Variants in CLDN10 observed in about 807,000 individuals in gnomAD.
CLDN10 encodes claudin 10, also known as claudin-10.
In CLDN10, 15 loss-of-function variants were observed where a neutral mutation model predicts 22.9. That is an observed-to-expected ratio of 0.65 (90% confidence interval 0.44 to 1.01). The LOEUF (loss-of-function observed/expected upper bound fraction) is 1.01, where lower values mean the gene tolerates loss of function less well. CLDN10 is among the 50% of genes least tolerant of loss of function. CLDN10 has a pLI of 0.00. For synonymous variants in CLDN10, 114 were observed against 111.4 expected (o/e 1.02, Z -0.15); for missense variants, 247 against 287.8 (o/e 0.86, Z 1.03).
At chr13:95,436,229 G>A (rs1468284318) in intron 1 of CLDN10, among the ~76,000 whole-genome samples, 1 of 152,026 alleles carries the variant, frequency 6.6e-6, no homozygotes, top group African/African-American at 2.4e-5. Context: ...TGTTGCCAAG[G>A]TTGGAGTGCA....
chr13:95,567,419 G>A (rs963458720), intron 3 of CLDN10, among the ~76,000 whole-genome samples: 2 of 152,124 alleles, frequency 1.3e-5, no homozygotes, highest in Non-Finnish European at 2.9e-5. Flanking sequence ...TTGGCTCTCT[G>A]TTTGTCTGTT....
At chr13:95,556,329 A>T (rs544355901) in intron 1 of CLDN10, among the ~76,000 whole-genome samples, 1 of 152,210 alleles carries the variant, frequency 6.6e-6, no homozygotes, top group African/African-American at 2.4e-5. Context: ...TACAGGCATG[A>T]GCCATGCGCC....
intron 1 of CLDN10, among the ~76,000 whole-genome samples, chr13:95,442,928 T>C (rs142954476): frequency 0.013 from 1,981 of 152,338 alleles, 50 homozygotes; most frequent in African/African-American, 0.046. Flanking sequence ...GTCACAATCA[T>C]AAGTTAGCCG....
At chr13:95,531,844 A>G (rs1202027790) in intron 1 of CLDN10, among the ~76,000 whole-genome samples, 1 of 151,904 alleles carries the variant, frequency 6.6e-6, no homozygotes, top group Non-Finnish European at 1.5e-5. Context: ...TAGTATTTAC[A>G]TTTTTAAAAA....
intron 1 of CLDN10, among the ~76,000 whole-genome samples, chr13:95,530,765 C>T (rs953776225): frequency 6.6e-6 from 1 of 152,006 alleles, no homozygotes; most frequent in Non-Finnish European, 1.5e-5. Context: ...CTTTACAATA[C>T]CTTATTATAA....
intron 1 of CLDN10, among the ~76,000 whole-genome samples, chr13:95,553,272 G>A (rs1395333333): frequency 6.6e-6 from 1 of 152,194 alleles, no homozygotes; most frequent in Non-Finnish European, 1.5e-5. Flanking sequence ...GGTCCTGAGA[G>A]TCAAGGAAGC....
intron 1 of CLDN10, among the ~76,000 whole-genome samples, chr13:95,506,320 C>A (rs1338380498): frequency 6.6e-6 from 1 of 152,194 alleles, no homozygotes; most frequent in African/African-American, 2.4e-5. Flanking sequence ...AGACACTGAA[C>A]TATGATGGAG....
chr13:95,504,879 G>A (rs933475779), intron 1 of CLDN10, among the ~76,000 whole-genome samples: 2 of 152,056 alleles, frequency 1.3e-5, no homozygotes, highest in Non-Finnish European at 1.5e-5. Context: ...GATTATCTGC[G>A]TAAGTCACTG....
chr13:95,487,829 C>A (rs530526040), intron 1 of CLDN10, among the ~76,000 whole-genome samples: 41 of 151,968 alleles, frequency 2.7e-4, no homozygotes, highest in Non-Finnish European at 5.6e-4. Flanking sequence ...TGCACACCAC[C>A]ATGCCTGGCT....
At chr13:95,571,774 A>C (rs2043865272) in intron 3 of CLDN10, among the ~76,000 whole-genome samples, 1 of 152,208 alleles carries the variant, frequency 6.6e-6, no homozygotes, top group Non-Finnish European at 1.5e-5. Flanking sequence ...AGACCAATAG[A>C]ATTCAATTTT....
At chr13:95,449,564 T>A (rs1410302618) in intron 1 of CLDN10, among the ~76,000 whole-genome samples, 1 of 151,612 alleles carries the variant, frequency 6.6e-6, no homozygotes, top group African/African-American at 2.4e-5. Flanking sequence ...CAGTTTTCTT[T>A]TTTTGTTGTT....
chr13:95,556,439 C>T (rs1434357162), intron 1 of CLDN10, among the ~76,000 whole-genome samples: 1 of 152,194 alleles, frequency 6.6e-6, no homozygotes, highest in Non-Finnish European at 1.5e-5. Flanking sequence ...CCTAGCAAAG[C>T]TATATGTCTA....
At chr13:95,496,196 T>G (rs912471847) in intron 1 of CLDN10, among the ~76,000 whole-genome samples, 2 of 152,224 alleles carry the variant, frequency 1.3e-5, no homozygotes, top group Non-Finnish European at 2.9e-5. Context: ...ATTGGGCAGT[T>G]CATCCCACCT....
At chr13:95,449,427 T>A (rs2042411880) in intron 1 of CLDN10, among the ~76,000 whole-genome samples, 1 of 151,816 alleles carries the variant, frequency 6.6e-6, no homozygotes, top group Non-Finnish European at 1.5e-5. Context: ...AATTTTGTAT[T>A]TTTAGTAGAG....
At chr13:95,449,549 C>A (rs2042412938) in intron 1 of CLDN10, among the ~76,000 whole-genome samples, 1 of 151,908 alleles carries the variant, frequency 6.6e-6, no homozygotes, top group African/African-American at 2.4e-5. Flanking sequence ...CTGTGCCCTG[C>A]CACTCAGTTT....
intron 1 of CLDN10, among the ~76,000 whole-genome samples, chr13:95,502,719 C>G (rs1048259589): frequency 1.3e-5 from 2 of 152,148 alleles, no homozygotes; most frequent in Non-Finnish European, 2.9e-5. Flanking sequence ...CAGGGTCTCA[C>G]CATGTTGGCC....
chr13:95,514,864 A>T (rs1032134873), intron 1 of CLDN10, among the ~76,000 whole-genome samples: 1 of 152,198 alleles, frequency 6.6e-6, no homozygotes, highest in Non-Finnish European at 1.5e-5. Flanking sequence ...AAGGGCAAGC[A>T]TGGAAGCCAT....
chr13:95,530,436 G>A (rs2043329205), intron 1 of CLDN10, among the ~76,000 whole-genome samples: 1 of 152,208 alleles, frequency 6.6e-6, no homozygotes, highest in Non-Finnish European at 1.5e-5. Flanking sequence ...CTGGACTCAA[G>A]AGCAGGCAAA....
At chr13:95,557,612 A>G (rs902577271) in intron 1 of CLDN10, among the ~76,000 whole-genome samples, 2 of 152,128 alleles carry the variant, frequency 1.3e-5, no homozygotes, top group East Asian at 1.9e-4. Flanking sequence ...GCTGCTGTTC[A>G]TGCTGGAGAA....
Sources: allele counts gnomAD v4.1 joint callset (sites outside exome capture counted in the v4.1 genomes callset), GRCh38; gene constraint gnomAD v4.1.1; transcripts MANE v1.5; gene names NCBI Gene and HGNC (gene_info 2026-07-23, HGNC 2026-07-21).